Variants in TRRAP observed in about 807,000 individuals in gnomAD.
The protein encoded by TRRAP is transformation/transcription domain-associated protein.
A neutral mutation model predicts 438.8 loss-of-function variants in TRRAP; 41 were observed. The observed-to-expected ratio is 0.09, with a 90% confidence interval of 0.07 to 0.12. TRRAP has a LOEUF of 0.12. Among genes scored for constraint, TRRAP ranks in the 10% least tolerant of loss-of-function variants. The pLI, the probability that TRRAP is intolerant of heterozygous loss-of-function variation, is 1.00. For synonymous variants in TRRAP, 1,994 were observed against 1,962.9 expected, an observed-to-expected ratio of 1.02 and a Z score of -0.42; for missense variants, 3,122 against 5,055.1, an observed-to-expected ratio of 0.62 and a Z score of 11.60.
chr7:98,909,655 T>C (rs1215200224), intron 14 of TRRAP, among the ~76,000 whole-genome samples: 4 of 151,914 alleles, frequency 2.6e-5, no homozygotes, highest in Non-Finnish European at 5.9e-5. Context: ...GCCCCAGGGG[T>C]GGTGGCGGGG....
intron 60 of TRRAP, among the ~76,000 whole-genome samples, chr7:98,983,722 A>G (rs1793036708): frequency 6.6e-6 from 1 of 152,116 alleles, no homozygotes; most frequent in African/African-American, 2.4e-5. Flanking sequence ...GGGGGGATCA[A>G]TGCTCTGAGC....
chr7:98,994,557 T>C lies in TRRAP; in HGVS notation c.10048-30T>C, dbSNP rs1793567405. 1 of 1,612,494 alleles carries C rather than the reference T, an allele frequency of 6.2e-7. No individual in the cohort carries two copies. The highest frequency in any genetic ancestry group is 1.3e-5 in the African/African-American group (1 of 74,868). On this transcript the variant is annotated intron_variant, in intron 66 of 72. Transcript: ENST00000456197. The surrounding 1 kb of genome is among the most constrained non-coding windows in gnomAD (Gnocchi z 4.8). ...TGGTTCTGGAGTGGAGGGCTGTGTT[T>C]GTCAGTTGTCTCTGGCTCTTTTCTA...
intron 8 of TRRAP, 60 bp from the exon 9 acceptor site, chr7:98,899,362 G>T: frequency 1.4e-6 from 2 of 1,444,554 alleles, no homozygotes; most frequent in East Asian, 4.5e-5. Context: ...GTGGGCACTG[G>T]TGGGGGCTAT....
At chr7:98,971,738 G>A in intron 52 of TRRAP, 61 bp from the exon 53 acceptor site, 1 of 1,570,388 alleles carries the variant, frequency 6.4e-7, no homozygotes, top group Admixed American at 1.9e-5. Context: ...CAGGAGGTGT[G>A]TTTGTTGGGT....
chr7:98,959,008 C>T (rs1180935647), intron 44 of TRRAP, among the ~76,000 whole-genome samples: 1 of 152,074 alleles, frequency 6.6e-6, no homozygotes, highest in Non-Finnish European at 1.5e-5. Context: ...TTGGGAATTT[C>T]CAAGTACTGA....
At chr7:98,998,181 A>T (rs1793755110) in intron 67 of TRRAP, among the ~76,000 whole-genome samples, 1 of 152,208 alleles carries the variant, frequency 6.6e-6, no homozygotes, top group Non-Finnish European at 1.5e-5. Context: ...GGTGCTTCCC[A>T]GAGACAGAAG....
rs543850547 is a variant in TRRAP, at chr7:98,977,750, C to T, written c.8386-461C>T. 7.9e-5 allele frequency among the ~76,000 whole-genome samples: 12 copies of T among 152,288 alleles called. No homozygotes were observed. The South Asian group carries it at 1.7e-3, about 21-fold the overall frequency. Reference sequence around the variant, plus strand: ...CCTAGCACTGTGTAGGGTGCTGTGCCGCGGAAGCTCCAGAAGCAGATGTGG... The same window carrying T: ...CCTAGCACTGTGTAGGGTGCTGTGCTGCGGAAGCTCCAGAAGCAGATGTGG... On this transcript the variant is annotated intron_variant, in intron 56 of 72. Coordinates refer to ENST00000456197, the MANE Select transcript of TRRAP (RefSeq NM_001375524.1).
At position 99,011,949 on chromosome 7, in the gene TRRAP, A is replaced by C; in HGVS notation, c.11338-122A>C. 3.8e-6 allele frequency: 5 copies of C among 1,306,096 alleles called. No homozygotes were observed. Among genetic ancestry groups the C allele is most frequent in the Admixed American group, 2.3e-5 (1 of 43,312 alleles). 80.9% of individuals were successfully genotyped at this position (1,306,096 alleles called of 1,614,324 possible). A position where few individuals can be genotyped will look rare whatever the true frequency, so the allele number is the denominator to read the frequency against. On this transcript the variant is annotated intron_variant, in intron 72 of 72. Coordinates refer to ENST00000456197, the MANE Select transcript of TRRAP (RefSeq NM_001375524.1). The surrounding 1 kb of genome is among the most constrained non-coding windows in gnomAD (Gnocchi z 7.1). ...GGCACACAGCCTGGCCTGGTGCTGA[A>C]ACTCGACTGGCCCTTGGTGGCCCTG...
chr7:98,934,020 G>A (rs1734719651), intron 27 of TRRAP, among the ~76,000 whole-genome samples: 1 of 152,080 alleles, frequency 6.6e-6, no homozygotes, highest in Non-Finnish European at 1.5e-5. Context: ...TTTTTTTAGT[G>A]GACTTGATTT....
Position 98,956,564 on chromosome 7 carries a change from C to T in TRRAP, c.6231+31C>T, listed in dbSNP as rs1365862267. On this transcript the variant is annotated intron_variant, in intron 43 of 72. Coordinates refer to ENST00000456197, the MANE Select transcript of TRRAP (RefSeq NM_001375524.1). The surrounding 1 kb of genome is among the most constrained non-coding windows in gnomAD (Gnocchi z 4.5). ...ATCATGTGCCTCTGTATGGGTGCTG[C>T]GCATTCTGCTGGGAGTTGGTTCGTT... is the stretch of plus-strand genomic sequence containing the variant. The T allele has an allele frequency of 1.4e-5, 22 of 1,597,956 alleles. No homozygotes were observed. The highest frequency in any genetic ancestry group is 2.7e-5 in the African/African-American group (2 of 73,970).
intron 67 of TRRAP, among the ~76,000 whole-genome samples, chr7:99,002,259 A>C (rs986657305): frequency 1.3e-5 from 2 of 152,224 alleles, no homozygotes; most frequent in African/African-American, 4.8e-5. Context: ...AGGTGTGCGC[A>C]TGCATACACA....
chr7:98,951,986 A>C (rs1288748065), intron 39 of TRRAP, among the ~76,000 whole-genome samples: 1 of 152,172 alleles, frequency 6.6e-6, no homozygotes, highest in Non-Finnish European at 1.5e-5. Flanking sequence ...GGAGAAAAGG[A>C]GCTGGCAGGC....
At chr7:98,888,764 G>A (rs1406539663) in intron 3 of TRRAP, among the ~76,000 whole-genome samples, 2 of 152,114 alleles carry the variant, frequency 1.3e-5, no homozygotes, top group African/African-American at 2.4e-5. Context: ...GTTACATTTA[G>A]TAAATGATGT....
intron 16 of TRRAP, 127 bp downstream of exon 16, chr7:98,910,734 A>G (rs1554408593): frequency 1.5e-5 from 12 of 786,880 alleles, no homozygotes; most frequent in Non-Finnish European, 2.2e-5. Flanking sequence ...GTATACCCAG[A>G]TGTGTTTTGT....
At chr7:98,964,483 G>A (rs968809917) in intron 47 of TRRAP, 146 bp from the exon 48 acceptor site, 13 of 824,326 alleles carry the variant, frequency 1.6e-5, no homozygotes, top group African/African-American at 1.0e-4. Flanking sequence ...AGAATGTAGC[G>A]TGAGCCATGT....
intron 52 of TRRAP, among the ~76,000 whole-genome samples, 193 bp downstream of exon 52, chr7:98,970,484 C>T (rs576348941): frequency 8.3e-4 from 127 of 152,310 alleles, no homozygotes; most frequent in Non-Finnish European, 1.2e-3. Flanking sequence ...GGGCAGAATC[C>T]TTGGTCCTGC....
intron 67 of TRRAP, chr7:99,000,001 G>GTTTATTTATTTA (rs143457391): frequency 1.4e-4 from 24 of 172,928 alleles, no homozygotes; most frequent in African/African-American, 5.6e-4. Flanking sequence ...ATTTCAGTTT[G>GTTTATTTATTTA]TTTATTTATT....
In TRRAP at chr7:98,948,425, G is replaced by A. The variant is rs1791183880; in HGVS notation, c.4668+85G>A. ...TCACTTGATCGTATTTTCAATGGAC[G>A]GAACAGCATAAAGACGTTCGATGTC... On this transcript the variant is annotated intron_variant, in intron 34 of 72. Transcript: ENST00000456197. This position sits in a 1 kb window ranked among gnomAD's most constrained non-coding sequence, Gnocchi z 4.9. The A allele has an allele frequency of 3.7e-6, 6 of 1,609,848 alleles. No homozygotes were observed. The highest frequency in any genetic ancestry group is 1.3e-5 in the African/African-American group (1 of 74,954).
At chr7:99,004,028 G>A (rs1297193336) in intron 67 of TRRAP, among the ~76,000 whole-genome samples, 162 bp from the exon 68 acceptor site, 1 of 152,148 alleles carries the variant, frequency 6.6e-6, no homozygotes, top group African/African-American at 2.4e-5. Context: ...AGCGGAGATC[G>A]CACCACTGCA....
Sources: gnomAD v4.1 joint callset for allele counts (sites outside exome capture counted in the v4.1 genomes callset) on GRCh38, gnomAD v4.1.1 for gene constraint, Gnocchi (gnomAD v3.1) non-coding constraint, MANE v1.5 for transcripts, NCBI Gene and HGNC (gene_info 2026-07-23, HGNC 2026-07-21) for gene names.